The following MRTFA variants were observed in gnomAD, a reference collection of about 807,000 sequenced individuals.
The protein encoded by MRTFA is myocardin related transcription factor A.
A neutral mutation model predicts 83.5 loss-of-function variants in MRTFA; 20 were observed. That is an observed-to-expected ratio of 0.24 (90% CI 0.17 to 0.35). The LOEUF (loss-of-function observed/expected upper bound fraction) is 0.35. Among genes scored for constraint, MRTFA ranks in the 10% least tolerant of loss-of-function variants. The pLI is 1.00. For synonymous variants in MRTFA, 659 were observed against 541.2 expected (o/e 1.22, Z -3.02); for missense variants, 1,200 against 1,224.7 (o/e 0.98, Z 0.30).
chr22:40,629,599 TA>T (rs997656197), intron 1 of MRTFA, among the ~76,000 whole-genome samples: 22 of 148,884 alleles, frequency 1.5e-4, no homozygotes, highest in African/African-American at 3.7e-4. Flanking sequence ...CCGTCCCTAC[TA>T]AAAAAAATAT....
intron 3 of MRTFA, among the ~76,000 whole-genome samples, chr22:40,499,515 G>C (rs1329046078): frequency 2.6e-5 from 4 of 152,178 alleles, no homozygotes; most frequent in East Asian, 3.9e-4. Context: ...TGCCTTCCAA[G>C]AGAAAAGCAG....
intron 1 of MRTFA, among the ~76,000 whole-genome samples, chr22:40,618,880 G>A (rs964236086): frequency 8.6e-5 from 13 of 151,642 alleles, no homozygotes; most frequent in Non-Finnish European, 1.3e-4. Context: ...GGAGAATCTC[G>A]AACTCAGGAG....
At chr22:40,518,531 C>A (rs529330358) in intron 3 of MRTFA, among the ~76,000 whole-genome samples, 2 of 151,772 alleles carry the variant, frequency 1.3e-5, no homozygotes, top group African/African-American at 2.4e-5. Flanking sequence ...CGGTGGCTCA[C>A]GCCTGTAATG....
At chr22:40,567,864 A>G (rs1441177308) in intron 2 of MRTFA, among the ~76,000 whole-genome samples, 3 of 152,176 alleles carry the variant, frequency 2.0e-5, no homozygotes, top group Non-Finnish European at 2.9e-5. Flanking sequence ...CAGAAGCCTC[A>G]TATCCTTAGG....
In MRTFA at chr22:40,435,383, T is replaced by C. The variant is rs2053148391; in HGVS notation, c.363+116A>G. Reference sequence around the variant, plus strand: ...CAAGGCCAGGGCTGGCCCTAGAGTCTAGCAGGCTCTGGCCTCAGAGTTCTA... The same window carrying C: ...CAAGGCCAGGGCTGGCCCTAGAGTCCAGCAGGCTCTGGCCTCAGAGTTCTA... On this transcript the variant is annotated intron_variant, in intron 5 of 14. Coordinates refer to ENST00000355630, the MANE Select transcript of MRTFA (RefSeq NM_020831.6). 7.1e-6 allele frequency: 8 copies of C among 1,128,222 alleles called. No homozygotes were observed. The South Asian group carries it at 9.9e-5, about 14-fold the overall frequency. The allele number at this position is 1,128,222 out of a possible 1,614,324, so 69.9% of individuals were successfully genotyped here.
chr22:40,415,901 C>T (rs1037830834), intron 14 of MRTFA, among the ~76,000 whole-genome samples: 1 of 152,112 alleles, frequency 6.6e-6, no homozygotes, highest in South Asian at 2.1e-4. Flanking sequence ...TACTTGTCCT[C>T]CCGACCCCCA....
At chr22:40,432,798 G>A (rs1176592473) in intron 5 of MRTFA, among the ~76,000 whole-genome samples, 2 of 152,190 alleles carry the variant, frequency 1.3e-5, no homozygotes, top group Non-Finnish European at 2.9e-5. Flanking sequence ...ATGGTTTAAA[G>A]TGACTGTGGG....
At chr22:40,599,206 G>A (rs2056229083) in intron 1 of MRTFA, among the ~76,000 whole-genome samples, 1 of 152,008 alleles carries the variant, frequency 6.6e-6, no homozygotes, top group South Asian at 2.1e-4. Context: ...GCTGAGGCAG[G>A]AGAATCGCTT....
chr22:40,531,174 T>C (rs138709372), intron 3 of MRTFA, among the ~76,000 whole-genome samples: 1 of 151,790 alleles, frequency 6.6e-6, no homozygotes, highest in Non-Finnish European at 1.5e-5. Context: ...TCATAGCTTG[T>C]TGCAGCCTCG....
chr22:40,437,367 G>C (rs1458401244), intron 4 of MRTFA, among the ~76,000 whole-genome samples: 1 of 152,250 alleles, frequency 6.6e-6, no homozygotes, highest in Middle Eastern at 3.4e-3. Flanking sequence ...TAAGTACAAA[G>C]AATCAAGAGA....
At chr22:40,482,140 G>A (rs915895211) in intron 3 of MRTFA, among the ~76,000 whole-genome samples, 1 of 151,774 alleles carries the variant, frequency 6.6e-6, no homozygotes, top group Non-Finnish European at 1.5e-5. Context: ...GTACTACTAC[G>A]GTGACTCATT....
intron 4 of MRTFA, among the ~76,000 whole-genome samples, chr22:40,440,966 C>G (rs1569266617): frequency 6.6e-6 from 1 of 152,354 alleles, no homozygotes; most frequent in East Asian, 1.9e-4. Context: ...TCCATCTCCC[C>G]TCTCCCTGCT....
intron 3 of MRTFA, among the ~76,000 whole-genome samples, chr22:40,502,009 G>T: frequency 7.2e-6 from 1 of 138,316 alleles, no homozygotes; most frequent in Non-Finnish European, 1.6e-5. Context: ...CTCCCGGACG[G>T]GGCAGCTGGC....
chr22:40,536,394 G>A (rs13054375), intron 3 of MRTFA, among the ~76,000 whole-genome samples: 3 of 145,556 alleles, frequency 2.1e-5, no homozygotes, highest in Non-Finnish European at 3.1e-5. Context: ...TCTTTGCCGC[G>A]GCGCCGGCGA....
intron 1 of MRTFA, among the ~76,000 whole-genome samples, chr22:40,621,803 T>A (rs2056526216): frequency 6.6e-6 from 1 of 152,190 alleles, no homozygotes; most frequent in South Asian, 2.1e-4. Context: ...CCCTGCTGGA[T>A]TTTGAAATTA....
intron 3 of MRTFA, among the ~76,000 whole-genome samples, chr22:40,491,724 C>T (rs945494801): frequency 2.0e-5 from 3 of 152,214 alleles, no homozygotes; most frequent in Non-Finnish European, 4.4e-5. Flanking sequence ...GCTATATGAG[C>T]TCTGCACGGT....
intron 4 of MRTFA, among the ~76,000 whole-genome samples, chr22:40,441,688 G>A (rs942450117): frequency 1.3e-5 from 2 of 151,886 alleles, no homozygotes; most frequent in Non-Finnish European, 2.9e-5. Context: ...TCTGGAGGCT[G>A]AGGCAGGAGA....
intron 3 of MRTFA, among the ~76,000 whole-genome samples, chr22:40,510,726 T>C (rs562072231): frequency 1.3e-5 from 2 of 152,200 alleles, no homozygotes; most frequent in African/African-American, 4.8e-5. Flanking sequence ...AATCAGTCTT[T>C]GGTGGTATGC....
At chr22:40,605,089 C>G (rs1346045701) in intron 1 of MRTFA, among the ~76,000 whole-genome samples, 1 of 152,148 alleles carries the variant, frequency 6.6e-6, no homozygotes, top group Admixed American at 6.5e-5. Flanking sequence ...GACCAGCAAG[C>G]AAATGCCTAT....
Sources: allele counts gnomAD v4.1 joint callset (sites outside exome capture counted in the v4.1 genomes callset), GRCh38; gene constraint gnomAD v4.1.1; transcripts MANE v1.5; gene names NCBI Gene and HGNC (gene_info 2026-07-23, HGNC 2026-07-21).